UGT1A4: variants seen among roughly 807,000 people sequenced by gnomAD.
The protein encoded by UGT1A4 is UDP glucuronosyltransferase family 1 member A4, also known as UDP-glucuronosyltransferase 1A4.
In UGT1A4, 32 loss-of-function variants were observed where a neutral mutation model predicts 41.1. That is an observed-to-expected ratio of 0.78 (90% CI 0.59 to 1.05). The LOEUF is 1.05. Among genes scored for constraint, UGT1A4 ranks in the 50% least tolerant of loss-of-function variants. UGT1A4 has a pLI of 0.00. For synonymous variants in UGT1A4, 283 were observed against 265.1 expected (o/e 1.07, Z -0.66); for missense variants, 748 against 677.4 (o/e 1.10, Z -1.16).
intron 1 of UGT1A4, among the ~76,000 whole-genome samples, chr2:233,725,055 CGCGCGCCT>C (rs1021966862): frequency 1.4e-5 from 2 of 147,410 alleles, no homozygotes; most frequent in African/African-American, 5.1e-5. Flanking sequence ...GGCGTGGCGG[CGCGCGCCT>C]GCAATCGCAG....
intron 4 of UGT1A4, chr2:233,770,235 A>G (rs930818021): frequency 6.6e-6 from 1 of 152,226 alleles, no homozygotes; most frequent in Non-Finnish European, 1.5e-5. Flanking sequence ...GTGAATCTCC[A>G]TGATTCCAAC....
chr2:233,767,955 A>G lies in UGT1A4; in HGVS notation c.1087+19A>G. ...CTGCTTGGTATGTTGGGCGGATTGG[A>G]TGTATAGGTCAAACCAGGGTCAAAT... On this transcript the variant is annotated intron_variant, in intron 3 of 4. Coordinates refer to ENST00000373409, the MANE Select transcript of UGT1A4 (RefSeq NM_007120.3). 1 of 1,614,124 alleles carries G rather than the reference A, an allele frequency of 6.2e-7. No homozygotes were observed. The highest frequency in any genetic ancestry group is 8.5e-7 in the Non-Finnish European group (1 of 1,180,040).
At position 233,719,315 on chromosome 2, in the gene UGT1A4, G is replaced by A. The variant is rs768997881; in HGVS notation, c.495G>A (p.Leu165=). Residue 165 remains leucine (L), a synonymous_variant, in exon 1 of 5, where the codon CTG becomes CTA. Transcript: ENST00000373409. ...NLCGAVLAKY[L]SIPAVFFWRY... Reference sequence around the variant, plus strand: ...GTGGGGCGGTGCTGGCTAAGTACCTGTCGATTCCTGCTGTGTTTTTTTGGA... The same window carrying A: ...GTGGGGCGGTGCTGGCTAAGTACCTATCGATTCCTGCTGTGTTTTTTTGGA... 2 of 1,613,980 alleles carry A rather than the reference G, an allele frequency of 1.2e-6. No individual in the cohort carries two copies. Among genetic ancestry groups the A allele is most frequent in the Non-Finnish European group, 1.7e-6 (2 of 1,179,882 alleles).
intron 1 of UGT1A4, among the ~76,000 whole-genome samples, chr2:233,756,694 G>T (rs2125945712): frequency 6.6e-6 from 1 of 152,238 alleles, no homozygotes. Context: ...TAATGACGAT[G>T]AATTTTGGGG....
At chr2:233,729,756 G>A in intron 1 of UGT1A4, 1 of 1,613,874 alleles carries the variant, frequency 6.2e-7, no homozygotes, top group Non-Finnish European at 8.5e-7. Context: ...TCATGCAAAG[G>A]GTCAAGAACA....
intron 1 of UGT1A4, among the ~76,000 whole-genome samples, chr2:233,756,604 C>T (rs914908855): frequency 6.6e-6 from 1 of 152,112 alleles, no homozygotes; most frequent in South Asian, 2.1e-4. Flanking sequence ...TGTATCGAAA[C>T]CATTAAGACT....
intron 1 of UGT1A4, among the ~76,000 whole-genome samples, chr2:233,740,070 C>T (rs1691295893): frequency 6.6e-6 from 1 of 151,860 alleles, no homozygotes; most frequent in South Asian, 2.1e-4. Context: ...AGCTTTTCCT[C>T]TCTGTCTCTC....
At chr2:233,755,150 C>A (rs1325253274) in intron 1 of UGT1A4, 1 of 1,299,090 alleles carries the variant, frequency 7.7e-7, no homozygotes, top group Non-Finnish European at 1.0e-6. Flanking sequence ...TCACCGCTTC[C>A]TCCCTGTCCT....
intron 1 of UGT1A4, chr2:233,753,403 T>C (rs149143287): frequency 6.6e-6 from 1 of 152,326 alleles, no homozygotes; most frequent in East Asian, 1.9e-4. Flanking sequence ...CTAGAGCATA[T>C]CCAAACCCAT....
At chr2:233,723,218 T>A (rs573450645) in intron 1 of UGT1A4, among the ~76,000 whole-genome samples, 28 of 123,768 alleles carry the variant, frequency 2.3e-4, no homozygotes, top group Admixed American at 2.1e-3. Context: ...ACTGACTTTT[T>A]TTTTTTTTTT....
intron 1 of UGT1A4, among the ~76,000 whole-genome samples, chr2:233,762,877 CTT>C (rs1394473755): frequency 6.6e-6 from 1 of 152,136 alleles, no homozygotes; most frequent in East Asian, 1.9e-4. Flanking sequence ...GGTTTCTTCT[CTT>C]ATAAATTCCA....
rs45619032 is a variant in UGT1A4, at chr2:233,765,042, C to T, written c.868-1992C>T. ...GGCAGGAGTCCTGCTGTGCAAATTG[C>T]GTTTGCTGAGCCCTGTCAGAGGTCT... On this transcript the variant is annotated intron_variant, in intron 1 of 4. Transcript: ENST00000373409. 6.1e-3 allele frequency among the ~76,000 whole-genome samples: 921 copies of T among 152,078 alleles called. 13 individuals carry two copies. Among genetic ancestry groups the T allele is most frequent in the African/African-American group, 0.021 (865 of 41,462 alleles).
At chr2:233,747,507 C>G in intron 1 of UGT1A4, 1 of 1,608,136 alleles carries the variant, frequency 6.2e-7, no homozygotes. Flanking sequence ...CCACACTCAA[C>G]TGTACTTTGA....
At chr2:233,751,684 G>T (rs1056105452) in intron 1 of UGT1A4, among the ~76,000 whole-genome samples, 7 of 152,138 alleles carry the variant, frequency 4.6e-5, no homozygotes, top group Non-Finnish European at 1.0e-4. Flanking sequence ...AGAGCTGATG[G>T]TTTTATAAGG....
intron 1 of UGT1A4, 84 bp from the exon 2 acceptor site, chr2:233,766,950 A>G: frequency 6.2e-7 from 1 of 1,601,228 alleles, no homozygotes. Context: ...TCTTAAGAGG[A>G]AGATATCTAA....
chr2:233,769,088 T>C lies in UGT1A4; in HGVS notation c.1307+649T>C, dbSNP rs1699789125. 2.0e-5 allele frequency among the ~76,000 whole-genome samples: 3 copies of C among 152,168 alleles called. No homozygotes were observed. Among genetic ancestry groups the C allele is most frequent in the African/African-American group, 7.2e-5 (3 of 41,420 alleles). The stretch of plus-strand genomic sequence containing the variant: ...AAGAAATACTCCATTATAAGAAGCA[T>C]AGTATCTTTAAGAGAAAAACAACTC... On this transcript the variant is annotated intron_variant, in intron 4 of 4. Coordinates refer to ENST00000373409, the MANE Select transcript of UGT1A4 (RefSeq NM_007120.3). This position sits in a 1 kb window ranked among gnomAD's most constrained non-coding sequence, Gnocchi z 4.4.
At chr2:233,765,838 T>A (rs1248201211) in intron 1 of UGT1A4, among the ~76,000 whole-genome samples, 1 of 152,108 alleles carries the variant, frequency 6.6e-6, no homozygotes, top group Non-Finnish European at 1.5e-5. Flanking sequence ...AAAACTTTCC[T>A]TGTCCCCCTC....
At chr2:233,745,616 T>G (rs1169913759) in intron 1 of UGT1A4, among the ~76,000 whole-genome samples, 1 of 151,452 alleles carries the variant, frequency 6.6e-6, no homozygotes, top group African/African-American at 2.4e-5. Context: ...AAGCACACAA[T>G]GAACAGTCAT....
intron 4 of UGT1A4, among the ~76,000 whole-genome samples, chr2:233,771,990 C>T (rs1700432517): frequency 6.6e-6 from 1 of 152,154 alleles, no homozygotes; most frequent in African/African-American, 2.4e-5. Flanking sequence ...TGGTGCATGA[C>T]TAATTCCAGC....
Sources: allele counts gnomAD v4.1 joint callset (sites outside exome capture counted in the v4.1 genomes callset), GRCh38; gene constraint gnomAD v4.1.1; non-coding constraint Gnocchi (gnomAD v3.1); transcripts MANE v1.5; gene names NCBI Gene and HGNC (gene_info 2026-07-23, HGNC 2026-07-21).